APBB1: variants seen among roughly 807,000 people sequenced by gnomAD.
APBB1 encodes the protein adaptor protein FE65a2.
Under a neutral mutation model 78.4 loss-of-function variants are expected in APBB1, and 22 were observed. The ratio of observed to expected loss-of-function variants is 0.28; its 90% confidence interval spans 0.20 to 0.40. The LOEUF (loss-of-function observed/expected upper bound fraction) is 0.40. APBB1 is among the 10% of genes least tolerant of loss of function. The probability of loss-of-function intolerance (pLI) is 1.00; values close to 1 mark genes in which losing one functional copy is unlikely to be tolerated. For synonymous variants in APBB1, 369 were observed against 372.7 expected (o/e 0.99, Z 0.12); for missense variants, 749 against 932.4 (o/e 0.80, Z 2.56).
chr11:6,396,088 C>G lies in APBB1; in HGVS notation c.1788+12G>C. The G allele has an allele frequency of 6.3e-7, 1 of 1,578,828 alleles. No individual in the cohort carries two copies. The highest frequency in any genetic ancestry group is 8.6e-7 in the Non-Finnish European group (1 of 1,162,784). On this transcript the variant is annotated intron_variant, in intron 13 of 14. Transcript: ENST00000609360. ...GCAAGGCGCAGCCACGACTTCTACC[C>G]CAGCTCTTTACCTGCTGGTGCAAGA...
chr11:6,406,235 T>C (rs1200456550), intron 2 of APBB1, among the ~76,000 whole-genome samples: 1 of 152,204 alleles, frequency 6.6e-6, no homozygotes, highest in Admixed American at 6.5e-5. Flanking sequence ...ATAAAATACA[T>C]TAAATGTTCA....
At chr11:6,409,081 T>C (rs567078291) in intron 2 of APBB1, among the ~76,000 whole-genome samples, 2 of 152,308 alleles carry the variant, frequency 1.3e-5, no homozygotes, top group East Asian at 3.9e-4. Flanking sequence ...CTGTTGTTGT[T>C]GTTGTTGAGA....
upstream of APBB1, chr11:6,419,156 GGGCGGGCGCGGGAGCGAGCTC>G (rs1337920776): frequency 8.7e-6 from 3 of 344,868 alleles, no homozygotes; most frequent in African/African-American, 2.2e-5. Flanking sequence ...CGCCATCTTG[GGGCGGGCGCGGGAGCGAGCTC>G]GGCGGGCGCG....
At chr11:6,418,366 T>G (rs1301578673) in intron 1 of APBB1, among the ~76,000 whole-genome samples, 1 of 151,954 alleles carries the variant, frequency 6.6e-6, no homozygotes, top group East Asian at 1.9e-4. Context: ...GAATGGGAAG[T>G]AAGGAAATGA....
At position 6,410,759 on chromosome 11, in the gene APBB1, C is replaced by A; in HGVS notation, c.589G>T (p.Asp197Tyr). 3 of 1,589,376 alleles carry A rather than the reference C, an allele frequency of 1.9e-6. No homozygotes were observed. Among genetic ancestry groups the A allele is most frequent in the Non-Finnish European group, 2.6e-6 (3 of 1,166,842 alleles). ...EAPPRPQALT[D>Y]GPREHSKSAS... ...CTCTTGCTGTGTTCCCGGGGGCCAT[C>A]TGTAAGGGCTTGGGGCCTGGGAGGG... The change falls in exon 2 of 15, where the codon GAT (aspartate) becomes TAT (tyrosine). Residue 197 changes from aspartate to tyrosine, a missense_variant. Physicochemically the swap from Asp to Tyr is radical, Grantham distance 160. This residue lies in a region of APBB1 where 635 missense variants were observed against 765.0 expected (regional missense o/e 0.83). Coordinates refer to ENST00000609360, the MANE Select transcript of APBB1 (RefSeq NM_001164.5).
At chr11:6,407,620 T>C (rs1028369539) in intron 2 of APBB1, among the ~76,000 whole-genome samples, 2 of 152,196 alleles carry the variant, frequency 1.3e-5, no homozygotes, top group African/African-American at 4.8e-5. Flanking sequence ...ACTGGCTGCA[T>C]TGAGACTATA....
At chr11:6,402,821 A>G in intron 6 of APBB1, 96 bp from the exon 7 acceptor site, 1 of 1,484,764 alleles carries the variant, frequency 6.7e-7, no homozygotes, top group Non-Finnish European at 9.2e-7. Flanking sequence ...GGTGTTCTGA[A>G]CTAAGACGGA....
chr11:6,413,515 G>A (rs1029945346), intron 1 of APBB1, among the ~76,000 whole-genome samples: 12 of 152,168 alleles, frequency 7.9e-5, no homozygotes, highest in Admixed American at 2.0e-4. Context: ...CTCCAGGTGC[G>A]GTGCGCCCAG....
At chr11:6,405,808 G>T in intron 2 of APBB1, 1 of 459,608 alleles carries the variant, frequency 2.2e-6, no homozygotes, top group Non-Finnish European at 2.9e-6. Flanking sequence ...CTTAGCTGAG[G>T]CTCAGGGAAT....
At chr11:6,398,352 T>A (rs1265657549) in intron 12 of APBB1, among the ~76,000 whole-genome samples, 1 of 152,202 alleles carries the variant, frequency 6.6e-6, no homozygotes, top group Non-Finnish European at 1.5e-5. Flanking sequence ...GATTAATGCA[T>A]GCCAAGAAGC....
chr11:6,403,980 G>T lies in APBB1; in HGVS notation c.722-158C>A. The stretch of plus-strand genomic sequence containing the variant: ...TTCTGCCTAGAGCCTATAGTCTGGA[G>T]TCACCACATGTGGGGCCACCAGTAG... On this transcript the variant is annotated intron_variant, in intron 2 of 14. Coordinates refer to ENST00000609360, the MANE Select transcript of APBB1 (RefSeq NM_001164.5). This position sits in a 1 kb window ranked among gnomAD's most constrained non-coding sequence, Gnocchi z 5.3. 2 of 754,318 alleles carry T rather than the reference G, an allele frequency of 2.7e-6. No individual in the cohort carries two copies. Among genetic ancestry groups the T allele is most frequent in the Non-Finnish European group, 2.0e-6 (1 of 504,698 alleles). The allele number at this position is 754,318 out of a possible 1,614,324, so 46.7% of individuals were successfully genotyped here.
rs374705416 is a variant in APBB1, at chr11:6,411,260, C to G, written c.88G>C (p.Ala30Pro). The G allele has an allele frequency of 1.2e-6, 2 of 1,604,720 alleles. No homozygotes were observed. Among genetic ancestry groups the G allele is most frequent in the South Asian group, 1.1e-5 (1 of 90,298 alleles). Reference protein sequence around the residue: ...PALSLPLPLHAAHNQLLNAKL... With the variant: ...PALSLPLPLHPAHNQLLNAKL... ...GCGTTGAGCAGCTGGTTGTGGGCAG[C>G]GTGCAGAGGCAGGGGTAGGCTCAGT... Residue 30 changes from alanine to proline, a missense_variant, in exon 2 of 15, where the codon GCT (alanine) becomes CCT (proline). Around this residue, in one of 3 missense-constraint regions of APBB1, gnomAD observed 635 missense variants for 765.0 expected, o/e 0.83. Coordinates refer to ENST00000609360, the MANE Select transcript of APBB1 (RefSeq NM_001164.5). This position sits in a 1 kb window ranked among gnomAD's most constrained non-coding sequence, Gnocchi z 5.2.
chr11:6,396,475 A>T, intron 12 of APBB1: 1 of 434,588 alleles, frequency 2.3e-6, no homozygotes, highest in Non-Finnish European at 4.1e-6. Context: ...ATTCCTCCAC[A>T]CTTCTGAACT....
rs1848910127 is a variant in APBB1, at chr11:6,409,693, G to T, written c.721+934C>A. The stretch of plus-strand genomic sequence containing the variant: ...TAGGGGTCTTTCCTAATCTTTCTTA[G>T]ACCTCCATCTACAAAACTCCAGGGT... On this transcript the variant is annotated intron_variant, in intron 2 of 14. Transcript: ENST00000609360. 2.1e-5 allele frequency among the ~76,000 whole-genome samples: 3 copies of T among 146,244 alleles called. No individual in the cohort carries two copies. The South Asian group carries it at 6.2e-4, about 30-fold the overall frequency.
intron 2 of APBB1, chr11:6,405,540 A>G: frequency 3.0e-6 from 3 of 986,034 alleles, no homozygotes; most frequent in Non-Finnish European, 3.6e-6. Flanking sequence ...GGCAGTCCCA[A>G]GACCCTGCTG....
intron 7 of APBB1, 80 bp downstream of exon 7, chr11:6,402,496 G>T: frequency 6.8e-7 from 1 of 1,459,940 alleles, no homozygotes; most frequent in Non-Finnish European, 9.5e-7. Context: ...CCTGCTTGTG[G>T]GCAGGTCAGA....
In APBB1 at chr11:6,395,774, CTAG is replaced by C. The variant is rs1799755; in HGVS notation, c.1965+9_1965+11del. Reference sequence around the variant, plus strand: ...GCCACGCCACCACCACACCACCCTACTAGTAGCTTACCATGCACGCAGCCTGCA... The same window carrying C: ...GCCACGCCACCACCACACCACCCTACTAGCTTACCATGCACGCAGCCTGCA... On this transcript the variant is annotated intron_variant, in intron 14 of 14. Transcript: ENST00000609360. This position sits in a 1 kb window ranked among gnomAD's most constrained non-coding sequence, Gnocchi z 5.2. 241,599 of 1,613,122 alleles carry C rather than the reference CTAG, an allele frequency of 0.15. 19,806 individuals carry two copies. Among genetic ancestry groups the C allele is most frequent in the South Asian group, 0.26 (23,829 of 91,012 alleles).
chr11:6,410,337 T>C (rs1848925385), intron 2 of APBB1, among the ~76,000 whole-genome samples: 1 of 152,194 alleles, frequency 6.6e-6, no homozygotes, highest in African/African-American at 2.4e-5. Context: ...GGATAAAGCC[T>C]GAAAATGCTG....
rs1848670396 is a variant in APBB1 at position 6,403,943 on chromosome 11, C to T, written c.722-121G>A. 1 of 1,083,550 alleles carries T rather than the reference C, an allele frequency of 9.2e-7. No homozygotes were observed. Among genetic ancestry groups the T allele is most frequent in the Admixed American group, 3.0e-5 (1 of 33,654 alleles). The allele number at this position is 1,083,550 out of a possible 1,614,324, so 67.1% of individuals were successfully genotyped here. A position where few individuals can be genotyped will look rare whatever the true frequency, so the allele number is the denominator to read the frequency against. On this transcript the variant is annotated intron_variant, in intron 2 of 14. Transcript: ENST00000609360. The surrounding 1 kb of genome is among the most constrained non-coding windows in gnomAD (Gnocchi z 5.3). ...GGGTGGTGGAAGAGCTATACCACAA[C>T]ACAGTTCCTGCTTCTGCCTAGAGCC...
Sources: gnomAD v4.1 joint callset for allele counts (sites outside exome capture counted in the v4.1 genomes callset) on GRCh38, gnomAD v4.1.1 for gene constraint, gnomAD v4.1.1 regional missense constraint, Gnocchi (gnomAD v3.1) non-coding constraint, MANE v1.5 for transcripts, NCBI Gene and HGNC (gene_info 2026-07-23, HGNC 2026-07-21) for gene names.